VWA3A: variants seen among roughly 807,000 people sequenced by gnomAD.
The protein encoded by VWA3A is von Willebrand factor A domain-containing protein 3A.
Under a neutral mutation model 160.4 loss-of-function variants are expected in VWA3A, and 134 were observed. The observed-to-expected ratio is 0.84, with a 90% CI of 0.73 to 0.96. VWA3A has a LOEUF of 0.96. Ranked by LOEUF, VWA3A falls within the 40% of genes least tolerant of loss-of-function variation. The pLI is 0.00. For missense variants in VWA3A, 1,310 were observed against 1,447.9 expected, an observed-to-expected ratio of 0.90 and a Z score of 1.55; for synonymous variants, 476 against 543.4, an observed-to-expected ratio of 0.88 and a Z score of 1.72.
intron 31 of VWA3A, among the ~76,000 whole-genome samples, chr16:22,153,449 T>A (rs935181428): frequency 2.0e-5 from 3 of 152,238 alleles, no homozygotes; most frequent in African/African-American, 7.2e-5. Flanking sequence ...TGCATATTTG[T>A]GTCTTCTGGG....
intron 6 of VWA3A, 144 bp downstream of exon 6, chr16:22,103,673 C>T: frequency 1.1e-6 from 1 of 911,716 alleles, no homozygotes; most frequent in Non-Finnish European, 1.6e-6. Context: ...AAATGAAAAC[C>T]CCAGCCACAG....
At position 22,133,025 on chromosome 16, in the gene VWA3A, T is replaced by C. The variant is rs776327221; in HGVS notation, c.1998T>C (p.Thr666=). Residue 666 remains threonine (T), a synonymous_variant, in exon 20 of 34, where the codon ACT becomes ACC. Coordinates refer to ENST00000389398, the MANE Select transcript of VWA3A (RefSeq NM_173615.5). ...TTPPARYASH[T]DTAAAYKEVT... ...CCCCTGCCCGCTATGCCAGTCACAC[T>C]GACACAGCCGCCGCCTACAAGGAGG... 10 of 1,613,866 alleles carry C rather than the reference T, an allele frequency of 6.2e-6. No homozygotes were observed. In the East Asian group the frequency reaches 1.3e-4, roughly 22 times the overall value.
intron 28 of VWA3A, among the ~76,000 whole-genome samples, chr16:22,148,950 GTTGT>G (rs1195634677): frequency 6.6e-6 from 1 of 152,158 alleles, no homozygotes; most frequent in African/African-American, 2.4e-5. Flanking sequence ...AGTGGAGGAA[GTTGT>G]TTATTTTCCC....
rs117011715 is a variant in VWA3A at position 22,131,178 on chromosome 16, A to G, written c.1653-27A>G. 182 of 1,611,180 alleles carry G rather than the reference A, an allele frequency of 1.1e-4. No homozygotes were observed. The East Asian group carries it at 2.5e-3, about 22-fold the overall frequency. On this transcript the variant is annotated intron_variant, in intron 17 of 33. Transcript: ENST00000389398. ...CACCAAGTGGACCTCCCCCAGCCTA[A>G]GAACGAACTCTCTTTGCTTCTTAAA...
At chr16:22,115,615 C>T (rs189599001) in intron 9 of VWA3A, 143 bp downstream of exon 9, 6 of 929,268 alleles carry the variant, frequency 6.5e-6, no homozygotes, top group East Asian at 3.1e-5. Context: ...GAGGATTGCT[C>T]GAAGCCAGGA....
At chr16:22,140,039 T>G (rs2141990431) in intron 22 of VWA3A, 115 bp from the exon 23 acceptor site, 1 of 975,306 alleles carries the variant, frequency 1.0e-6, no homozygotes, top group African/African-American at 1.6e-5. Context: ...AGGAGTCCCC[T>G]CCCTTAGGCT....
At chr16:22,152,676 C>A in intron 31 of VWA3A, 42 bp downstream of exon 31, 6 of 1,570,256 alleles carry the variant, frequency 3.8e-6, no homozygotes, top group Non-Finnish European at 5.2e-6. Context: ...GTTGAAACGG[C>A]TCGATAAAAT....
intron 9 of VWA3A, chr16:22,116,503 A>G: frequency 1.8e-6 from 1 of 563,478 alleles, no homozygotes; most frequent in Non-Finnish European, 3.2e-6. Flanking sequence ...GGAAAGAGAG[A>G]AAAGATCATC....
At chr16:22,123,458 T>A (rs1233135480) in intron 15 of VWA3A, 155 bp from the exon 16 acceptor site, 23 of 1,548,484 alleles carry the variant, frequency 1.5e-5, no homozygotes, top group Admixed American at 1.9e-5. Flanking sequence ...TTGTGGTGAA[T>A]TTGTTCATGA....
chr16:22,147,066 C>G (rs931852246), intron 27 of VWA3A, among the ~76,000 whole-genome samples: 1 of 152,170 alleles, frequency 6.6e-6, no homozygotes, highest in Non-Finnish European at 1.5e-5. Context: ...TTCTCTGTCA[C>G]CTAGTCTGGA....
intron 1 of VWA3A, among the ~76,000 whole-genome samples, chr16:22,095,708 C>A (rs1200483019): frequency 6.6e-6 from 1 of 151,914 alleles, no homozygotes; most frequent in Non-Finnish European, 1.5e-5. Context: ...CAGGCACATA[C>A]CACCACACCT....
chr16:22,109,844 C>T (rs1211148875), intron 7 of VWA3A, among the ~76,000 whole-genome samples: 1 of 152,236 alleles, frequency 6.6e-6, no homozygotes, highest in Non-Finnish European at 1.5e-5. Flanking sequence ...CTCAAGAGCT[C>T]CCACGTTTCC....
At chr16:22,126,138 G>C in intron 16 of VWA3A, 40 bp from the exon 17 acceptor site, 4 of 1,609,418 alleles carry the variant, frequency 2.5e-6, no homozygotes, top group Admixed American at 1.7e-5. Flanking sequence ...CATTATCTCA[G>C]AGATTCGGTT....
intron 3 of VWA3A, among the ~76,000 whole-genome samples, 189 bp from the exon 4 acceptor site, chr16:22,100,005 G>A (rs567111207): frequency 4.6e-4 from 70 of 152,130 alleles, no homozygotes; most frequent in African/African-American, 1.4e-3. Context: ...AACCTGGGAG[G>A]CAGAGGTTGC....
chr16:22,123,120 A>C lies in VWA3A; in HGVS notation c.1392A>C (p.Thr464=). 2.5e-6 allele frequency: 4 copies of C among 1,606,428 alleles called. No individual in the cohort carries two copies. The highest frequency in any genetic ancestry group is 3.4e-6 in the Non-Finnish European group (4 of 1,176,360). The change falls in exon 15 of 34, where the codon ACA becomes ACC. Residue 464 remains threonine, a synonymous_variant. Coordinates refer to ENST00000389398, the MANE Select transcript of VWA3A (RefSeq NM_173615.5). ...AMIQFEWHDG[T]VKNIHVDPPF... is the part of the protein sequence containing the mutation. ...TACAATTTGAATGGCACGACGGGACAGTGAAGAACATTCATGTGGACCCAC... is the reference window on the plus strand; with the variant it reads ...TACAATTTGAATGGCACGACGGGACCGTGAAGAACATTCATGTGGACCCAC...
chr16:22,099,389 T>C (rs1339382522), intron 3 of VWA3A, among the ~76,000 whole-genome samples: 1 of 152,178 alleles, frequency 6.6e-6, no homozygotes, highest in Non-Finnish European at 1.5e-5. Context: ...AAGCATGACT[T>C]GAGCTTTACA....
At chr16:22,100,838 T>A (rs2045396973) in intron 5 of VWA3A, among the ~76,000 whole-genome samples, 1 of 135,168 alleles carries the variant, frequency 7.4e-6, no homozygotes. Context: ...CATAACTCTG[T>A]CTCAAAAAAA....
intron 16 of VWA3A, among the ~76,000 whole-genome samples, chr16:22,124,075 T>A (rs1428831867): frequency 1.3e-5 from 2 of 149,302 alleles, no homozygotes; most frequent in African/African-American, 5.0e-5. Flanking sequence ...CTTAGGAGGC[T>A]GAGGCAGGGG....
chr16:22,123,629 C>T lies in VWA3A; in HGVS notation c.1454C>T (p.Ala485Val), dbSNP rs774865600. ...LYKYQQQLSR[A>V]MRMYERRIEW... is the part of the protein sequence containing the mutation. ...CTTCTGCAGCAACAGCTCAGCAGAGCTATGCGGATGTATGAGAGGCGGATT... is the reference window on the plus strand; with the variant it reads ...CTTCTGCAGCAACAGCTCAGCAGAGTTATGCGGATGTATGAGAGGCGGATT... Residue 485 changes from alanine to valine, a missense_variant, in exon 16 of 34, where the codon GCT (alanine) becomes GTT (valine). Coordinates refer to ENST00000389398, the MANE Select transcript of VWA3A (RefSeq NM_173615.5). The T allele has an allele frequency of 5.0e-6, 8 of 1,613,870 alleles. No homozygotes were observed. The highest frequency in any genetic ancestry group is 1.6e-4 in the Middle Eastern group (1 of 6,084).
Sources: allele counts gnomAD v4.1 joint callset (sites outside exome capture counted in the v4.1 genomes callset), GRCh38; gene constraint gnomAD v4.1.1; transcripts MANE v1.5; gene names NCBI Gene and HGNC (gene_info 2026-07-23, HGNC 2026-07-21).